The following DNM3 variants were observed in gnomAD, a reference collection of about 807,000 sequenced individuals.
The protein encoded by DNM3 is dynamin 3.
Under a neutral mutation model 101.6 loss-of-function variants are expected in DNM3, and 47 were observed. The observed-to-expected ratio is 0.46, with a 90% CI of 0.37 to 0.59. The LOEUF (loss-of-function observed/expected upper bound fraction) is 0.59, where lower values mean the gene tolerates loss of function less well. Ranked by LOEUF, DNM3 falls within the 20% of genes least tolerant of loss-of-function variation. DNM3 has a pLI of 0.00. For synonymous variants in DNM3, 385 were observed against 387.9 expected (o/e 0.99, Z 0.09); for missense variants, 849 against 1,085.7 (o/e 0.78, Z 3.06).
rs116311175 is a variant in DNM3 at position 171,926,220 on chromosome 1, T to C, written c.235+4399T>C. 5.4e-3 allele frequency among the ~76,000 whole-genome samples: 828 copies of C among 152,290 alleles called. 10 individuals carry two copies. The highest frequency in any genetic ancestry group is 0.019 in the African/African-American group (783 of 41,550). On this transcript the variant is annotated intron_variant, in intron 2 of 20. Transcript: ENST00000627582. ...GGGCTCTCTTCTGGTTCCCTATTAA[T>C]TTTAGTATTGTTTTTTCTAATTCTG... is the stretch of plus-strand genomic sequence containing the variant.
At chr1:171,889,687 G>A (rs2037091891) in intron 1 of DNM3, among the ~76,000 whole-genome samples, 1 of 152,158 alleles carries the variant, frequency 6.6e-6, no homozygotes, top group South Asian at 2.1e-4. Flanking sequence ...AAACAAAAAT[G>A]GGTTAAAGAC....
At chr1:172,110,909 G>A (rs1197522131) in intron 13 of DNM3, among the ~76,000 whole-genome samples, 3 of 152,160 alleles carry the variant, frequency 2.0e-5, no homozygotes, top group Non-Finnish European at 4.4e-5. Context: ...GGTGGCATGC[G>A]CCTTTAGTGT....
intron 2 of DNM3, among the ~76,000 whole-genome samples, chr1:171,952,635 G>T (rs563411122): frequency 6.6e-6 from 1 of 151,996 alleles, no homozygotes; most frequent in South Asian, 2.1e-4. Context: ...ATTTACAGGG[G>T]CAAATACAGT....
intron 12 of DNM3, among the ~76,000 whole-genome samples, chr1:172,087,540 TA>T (rs2053615440): frequency 6.6e-6 from 1 of 152,212 alleles, no homozygotes; most frequent in Non-Finnish European, 1.5e-5. Context: ...TTATAATTTT[TA>T]ACTTCTATGT....
intron 15 of DNM3, among the ~76,000 whole-genome samples, chr1:172,306,943 A>T (rs1016282376): frequency 2.0e-5 from 3 of 152,186 alleles, no homozygotes; most frequent in East Asian, 3.8e-4. Context: ...AACCTAGGCA[A>T]TACCATTCAG....
At chr1:172,200,716 A>T (rs1182935059) in intron 14 of DNM3, among the ~76,000 whole-genome samples, 4 of 152,026 alleles carry the variant, frequency 2.6e-5, no homozygotes, top group Non-Finnish European at 1.5e-5. Context: ...TTGTGACTGC[A>T]TTCTTGTATT....
intron 15 of DNM3, among the ~76,000 whole-genome samples, chr1:172,267,525 C>T (rs2062911071): frequency 6.6e-6 from 1 of 151,720 alleles, no homozygotes; most frequent in African/African-American, 2.4e-5. Flanking sequence ...GCTGTTTGAA[C>T]TAAATAGAAT....
At chr1:171,887,717 A>G (rs1337627565) in intron 1 of DNM3, among the ~76,000 whole-genome samples, 1 of 152,156 alleles carries the variant, frequency 6.6e-6, no homozygotes, top group Non-Finnish European at 1.5e-5. Flanking sequence ...GATAATCTCT[A>G]AACACTTTTG....
chr1:172,020,721 C>CAAAAAAAAAAAAAAAAA (rs3051630), intron 4 of DNM3, among the ~76,000 whole-genome samples: 1 of 66,354 alleles, frequency 1.5e-5, no homozygotes, highest in African/African-American at 6.3e-5. Context: ...GAGACTCCGT[C>CAAAAAAAAAAAAAAAAA]AAAAAAAAAA....
intron 1 of DNM3, among the ~76,000 whole-genome samples, chr1:171,865,756 G>A (rs1339032973): frequency 6.6e-6 from 1 of 152,118 alleles, no homozygotes; most frequent in Non-Finnish European, 1.5e-5. Flanking sequence ...CTAGAGGTGA[G>A]TAAAAAACAA....
intron 1 of DNM3, among the ~76,000 whole-genome samples, chr1:171,879,131 T>C (rs1558202737): frequency 1.3e-5 from 2 of 152,240 alleles, no homozygotes; most frequent in Non-Finnish European, 2.9e-5. Context: ...TATATTATTC[T>C]GCTCACACTC....
chr1:172,285,222 A>G (rs1427647147), intron 15 of DNM3, among the ~76,000 whole-genome samples: 1 of 152,190 alleles, frequency 6.6e-6, no homozygotes, highest in East Asian at 1.9e-4. Context: ...GGTTATATCC[A>G]TTATTTTAAA....
chr1:172,231,623 G>C (rs986569021), intron 14 of DNM3, among the ~76,000 whole-genome samples: 2 of 152,188 alleles, frequency 1.3e-5, no homozygotes, highest in East Asian at 1.9e-4. Flanking sequence ...GGAGAAGAAG[G>C]CTTCAGATGA....
intron 1 of DNM3, among the ~76,000 whole-genome samples, chr1:171,899,266 A>G (rs1416572131): frequency 1.3e-5 from 2 of 152,158 alleles, no homozygotes; most frequent in East Asian, 3.9e-4. Flanking sequence ...TGAAAGCTCT[A>G]TTGTGAGATG....
intron 14 of DNM3, chr1:172,140,348 A>T (rs551096684): frequency 1.3e-5 from 2 of 151,984 alleles, no homozygotes; most frequent in East Asian, 3.9e-4. Flanking sequence ...AATCAAAAAC[A>T]TGAGTAAACT....
chr1:172,409,937 A>G lies in DNM3; in HGVS notation c.*2096A>G. 1 of 985,762 alleles carries G rather than the reference A, an allele frequency of 1.0e-6. No individual in the cohort carries two copies. Among genetic ancestry groups the G allele is most frequent in the Non-Finnish European group, 1.2e-6 (1 of 829,868 alleles). 61.1% of individuals were successfully genotyped at this position (985,762 alleles called of 1,614,324 possible). On this transcript the variant is annotated 3_prime_UTR_variant, in exon 21 of 21. Transcript: ENST00000627582. ...TTAGATCAGCACAAACCATGTCAAA[A>G]AAAATTGGAGATTTTTTTCCAATTT...
chr1:172,305,532 TG>T (rs2064759643), intron 15 of DNM3, among the ~76,000 whole-genome samples: 1 of 152,308 alleles, frequency 6.6e-6, no homozygotes, highest in East Asian at 1.9e-4. Context: ...ACTCATTTCA[TG>T]AGTCCAGCAT....
chr1:172,214,521 C>CA (rs917482717), intron 14 of DNM3, among the ~76,000 whole-genome samples: 25 of 151,780 alleles, frequency 1.6e-4, no homozygotes, highest in Non-Finnish European at 1.3e-4. Flanking sequence ...CTCATCCCCC[C>CA]CACACACAAA....
chr1:172,179,209 T>C (rs1418351201), intron 14 of DNM3, among the ~76,000 whole-genome samples: 1 of 152,012 alleles, frequency 6.6e-6, no homozygotes, highest in Non-Finnish European at 1.5e-5. Context: ...ATTTGTGGAC[T>C]GTGATCTACA....
Sources: allele counts gnomAD v4.1 joint callset (sites outside exome capture counted in the v4.1 genomes callset), GRCh38; gene constraint gnomAD v4.1.1; transcripts MANE v1.5; gene names NCBI Gene and HGNC (gene_info 2026-07-23, HGNC 2026-07-21).